JAKMIP2: variants seen among roughly 807,000 people sequenced by gnomAD.
The protein encoded by JAKMIP2 is janus kinase and microtubule-interacting protein 2.
In JAKMIP2, 25 loss-of-function variants were observed where a neutral mutation model predicts 115.0. The observed-to-expected ratio is 0.22, with a 90% confidence interval of 0.16 to 0.30. The LOEUF (loss-of-function observed/expected upper bound fraction) is 0.30. Ranked by LOEUF, JAKMIP2 falls within the 10% of genes least tolerant of loss-of-function variation. The pLI is 1.00. For missense variants in JAKMIP2, 642 were observed against 957.6 expected (o/e 0.67, Z 4.35); for synonymous variants, 334 against 343.6 (o/e 0.97, Z 0.31).
chr5:147,686,665 A>G (rs187677190), intron 1 of JAKMIP2, among the ~76,000 whole-genome samples: 1 of 152,316 alleles, frequency 6.6e-6, no homozygotes, highest in African/African-American at 2.4e-5. Context: ...CAAAATTTTA[A>G]TGTTGTTCTT....
intron 3 of JAKMIP2, among the ~76,000 whole-genome samples, chr5:147,656,680 T>C (rs913316562): frequency 2.0e-5 from 3 of 152,230 alleles, no homozygotes; most frequent in Admixed American, 1.3e-4. Context: ...ATTTAGCCCA[T>C]TTACATTTAA....
intron 1 of JAKMIP2, among the ~76,000 whole-genome samples, chr5:147,761,302 G>A (rs1414097262): frequency 6.6e-6 from 1 of 152,002 alleles, no homozygotes; most frequent in African/African-American, 2.4e-5. Context: ...GTCTTCCTAT[G>A]TGCCAAAATT....
chr5:147,771,324 A>G (rs1755346182), intron 1 of JAKMIP2, among the ~76,000 whole-genome samples: 1 of 152,080 alleles, frequency 6.6e-6, no homozygotes, highest in Admixed American at 6.6e-5. Flanking sequence ...TAAGAATAGA[A>G]TCACTTTTTT....
intron 1 of JAKMIP2, among the ~76,000 whole-genome samples, chr5:147,741,451 C>A (rs2126995652): frequency 6.6e-6 from 1 of 151,982 alleles, no homozygotes; most frequent in Admixed American, 6.6e-5. Context: ...ATATATATAA[C>A]TTGTTTAATA....
At chr5:147,654,226 G>GTT (rs148458804) in intron 3 of JAKMIP2, among the ~76,000 whole-genome samples, 25 of 147,742 alleles carry the variant, frequency 1.7e-4, no homozygotes, top group Admixed American at 6.8e-4. Flanking sequence ...ATTTAAAGTA[G>GTT]TTTTTTTTTT....
intron 1 of JAKMIP2, among the ~76,000 whole-genome samples, chr5:147,701,718 G>A (rs1334239719): frequency 6.6e-6 from 1 of 152,198 alleles, no homozygotes; most frequent in African/African-American, 2.4e-5. Context: ...GAGGCCCAAG[G>A]AGGCTTGTTT....
intron 1 of JAKMIP2, among the ~76,000 whole-genome samples, chr5:147,687,912 A>G (rs961191260): frequency 5.9e-5 from 9 of 152,194 alleles, no homozygotes; most frequent in African/African-American, 2.2e-4. Flanking sequence ...AATTTGCCCA[A>G]TGTCATGCAA....
chr5:147,686,488 TA>T (rs1278508852), intron 1 of JAKMIP2, among the ~76,000 whole-genome samples: 1 of 152,136 alleles, frequency 6.6e-6, no homozygotes, highest in Non-Finnish European at 1.5e-5. Flanking sequence ...CTCTATCACA[TA>T]TTTGCTCTAT....
chr5:147,623,642 C>G lies in JAKMIP2; in HGVS notation c.2043G>C (p.Met681Ile). 6.2e-7 allele frequency: 1 copy of G among 1,610,228 alleles called. No individual in the cohort carries two copies. The highest frequency in any genetic ancestry group is 8.5e-7 in the Non-Finnish European group (1 of 1,176,490). The change falls in exon 17 of 22, where the codon ATG (methionine) becomes ATC (isoleucine). Residue 681 changes from methionine to isoleucine, a missense_variant. Around this residue, in one of 6 missense-constraint regions of JAKMIP2, gnomAD observed 68 missense variants for 104.6 expected, o/e 0.65. Transcript: ENST00000616793. The part of the protein sequence containing the change: ...EGAEAALHQK[M>I]MELESDMEQF... ...TTACCATGTCACTTTCCAATTCCAT[C>G]ATTTTCTGGTGTAGGGCAGCCTCAG...
At chr5:147,658,258 C>T (rs1340056565) in intron 3 of JAKMIP2, among the ~76,000 whole-genome samples, 1 of 152,132 alleles carries the variant, frequency 6.6e-6, no homozygotes, top group African/African-American at 2.4e-5. Context: ...TTTCTTCAAA[C>T]AGTCAGGCCT....
rs978898318 is a variant in JAKMIP2, at chr5:147,585,574, G to A, written c.*6133C>T. 5 of 152,112 alleles carry A rather than the reference G, an allele frequency of 3.3e-5. No homozygotes were observed. Among genetic ancestry groups the A allele is most frequent in the East Asian group, 1.9e-4 (1 of 5,186 alleles). The allele number at this position is 152,112 out of a possible 1,614,324, so 9.4% of individuals were successfully genotyped here. Reference sequence around the variant, plus strand: ...ACAGTAAGTTGATTCCAATCTCTACGGTAATACATACAGTACATGTACATA... The same window carrying A: ...ACAGTAAGTTGATTCCAATCTCTACAGTAATACATACAGTACATGTACATA... On this transcript the variant is annotated 3_prime_UTR_variant, in exon 22 of 22. Transcript: ENST00000616793.
Position 147,591,563 on chromosome 5 carries a change from T to G in JAKMIP2, c.*144A>C. On this transcript the variant is annotated 3_prime_UTR_variant, in exon 22 of 22. Transcript: ENST00000616793. Reference sequence around the variant, plus strand: ...ATAATGGCTTTAAAATACACAGTTGTAGTCCTGGCTACAGGGTAGTTCTTA... The same window carrying G: ...ATAATGGCTTTAAAATACACAGTTGGAGTCCTGGCTACAGGGTAGTTCTTA... 1.2e-6 allele frequency: 1 copy of G among 839,780 alleles called. No individual in the cohort carries two copies. The highest frequency in any genetic ancestry group is 1.5e-5 in the South Asian group (1 of 67,128). 52.0% of individuals were successfully genotyped at this position (839,780 alleles called of 1,614,324 possible).
At chr5:147,642,366 G>C (rs1462963723) in intron 7 of JAKMIP2, among the ~76,000 whole-genome samples, 1 of 152,084 alleles carries the variant, frequency 6.6e-6, no homozygotes, top group Non-Finnish European at 1.5e-5. Context: ...TCAATTTCAT[G>C]ATTTATTGTT....
At chr5:147,752,808 G>A (rs1210088823) in intron 1 of JAKMIP2, among the ~76,000 whole-genome samples, 1 of 151,988 alleles carries the variant, frequency 6.6e-6, no homozygotes, top group Non-Finnish European at 1.5e-5. Flanking sequence ...AGGATTGAGA[G>A]GACTCAAAAT....
chr5:147,760,673 G>A (rs1053899653), intron 1 of JAKMIP2, among the ~76,000 whole-genome samples: 2 of 152,066 alleles, frequency 1.3e-5, no homozygotes, highest in African/African-American at 2.4e-5. Context: ...TTTGAGAGAA[G>A]ACTTTTTCAA....
intron 1 of JAKMIP2, among the ~76,000 whole-genome samples, chr5:147,751,341 G>A (rs531228861): frequency 2.7e-5 from 4 of 147,550 alleles, no homozygotes; most frequent in Non-Finnish European, 4.4e-5. Context: ...CTCGTGATCC[G>A]CCCTCCTCCG....
At chr5:147,651,381 T>A (rs1470440854) in intron 3 of JAKMIP2, among the ~76,000 whole-genome samples, 1 of 152,138 alleles carries the variant, frequency 6.6e-6, no homozygotes, top group African/African-American at 2.4e-5. Flanking sequence ...AATGAAACCT[T>A]TTTGCCATCC....
At chr5:147,646,000 C>T (rs1264050107) in intron 5 of JAKMIP2, among the ~76,000 whole-genome samples, 1 of 152,046 alleles carries the variant, frequency 6.6e-6, no homozygotes, top group Non-Finnish European at 1.5e-5. Flanking sequence ...TTAGCTTATT[C>T]TTTTCTTACT....
At chr5:147,592,591 C>T (rs1755151419) in intron 21 of JAKMIP2, among the ~76,000 whole-genome samples, 1 of 152,164 alleles carries the variant, frequency 6.6e-6, no homozygotes, top group African/African-American at 2.4e-5. Context: ...TCATGTCCTA[C>T]TTAAGGGAAT....
Sources: gnomAD v4.1 joint callset for allele counts (sites outside exome capture counted in the v4.1 genomes callset) on GRCh38, gnomAD v4.1.1 for gene constraint, gnomAD v4.1.1 regional missense constraint, MANE v1.5 for transcripts, NCBI Gene and HGNC (gene_info 2026-07-23, HGNC 2026-07-21) for gene names.